The following JMJD1C variants were observed in gnomAD, a reference collection of about 807,000 sequenced individuals.
JMJD1C encodes jumonji domain containing 1C.
A neutral mutation model predicts 245.3 loss-of-function variants in JMJD1C; 31 were observed. The ratio of observed to expected loss-of-function variants is 0.13; its 90% CI spans 0.09 to 0.17. The LOEUF is 0.17. JMJD1C is among the 10% of genes least tolerant of loss of function. JMJD1C has a pLI of 1.00. For synonymous variants in JMJD1C, 1,057 were observed against 1,017.4 expected, an observed-to-expected ratio of 1.04 and a Z score of -0.74; for missense variants, 2,691 against 3,000.2, an observed-to-expected ratio of 0.90 and a Z score of 2.41.
At chr10:63,241,381 G>C (rs952621099) in intron 3 of JMJD1C, among the ~76,000 whole-genome samples, 2 of 152,076 alleles carry the variant, frequency 1.3e-5, no homozygotes, top group African/African-American at 4.8e-5. Context: ...GCCACAAATC[G>C]ATAATTGTTA....
At chr10:63,507,710 T>C (rs991286511) in intron 1 of JMJD1C, among the ~76,000 whole-genome samples, 2 of 148,934 alleles carry the variant, frequency 1.3e-5, no homozygotes, top group Admixed American at 1.3e-4. Flanking sequence ...GATGAGTTCC[T>C]ATTGTTTCAT....
intron 2 of JMJD1C, among the ~76,000 whole-genome samples, chr10:63,321,691 G>A (rs1189205427): frequency 1.3e-5 from 2 of 152,146 alleles, no homozygotes; most frequent in African/African-American, 4.8e-5. Context: ...AGAAGGAAAG[G>A]GCCTCTGCAC....
intron 2 of JMJD1C, among the ~76,000 whole-genome samples, chr10:63,303,879 A>T (rs990408526): frequency 1.3e-4 from 20 of 152,174 alleles, no homozygotes; most frequent in African/African-American, 4.8e-4. Flanking sequence ...ATTCTTGTTT[A>T]TCATTAATAT....
chr10:63,520,946 G>T (rs1435406784), intron 1 of JMJD1C, among the ~76,000 whole-genome samples: 2 of 152,202 alleles, frequency 1.3e-5, no homozygotes, highest in African/African-American at 4.8e-5. Context: ...TAAACACTGA[G>T]GATACCGGAT....
intron 1 of JMJD1C, among the ~76,000 whole-genome samples, chr10:63,420,714 CAAAAAAAAAAA>C (rs35090799): frequency 1.3e-4 from 6 of 47,720 alleles, no homozygotes; most frequent in Non-Finnish European, 2.4e-4. Flanking sequence ...GACCCAGTCT[CAAAAAAAAAAA>C]AAAAAAAAAA....
At chr10:63,315,204 T>C (rs1049097654) in intron 2 of JMJD1C, among the ~76,000 whole-genome samples, 2 of 152,148 alleles carry the variant, frequency 1.3e-5, no homozygotes, top group Admixed American at 6.6e-5. Flanking sequence ...GTTTGGGGTA[T>C]GAATTATCTC....
At chr10:63,294,202 C>G (rs560706219) in intron 2 of JMJD1C, among the ~76,000 whole-genome samples, 2 of 152,194 alleles carry the variant, frequency 1.3e-5, no homozygotes, top group East Asian at 3.9e-4. Flanking sequence ...ATCTCACATC[C>G]TTAAACGTCC....
intron 3 of JMJD1C, among the ~76,000 whole-genome samples, chr10:63,249,876 A>G (rs753107372): frequency 2.5e-4 from 38 of 152,100 alleles, no homozygotes; most frequent in Non-Finnish European, 4.0e-4. Context: ...AAAAAAAGAA[A>G]AAAGAAAAAG....
intron 1 of JMJD1C, among the ~76,000 whole-genome samples, chr10:63,401,128 G>A (rs1948826057): frequency 6.6e-6 from 1 of 152,202 alleles, no homozygotes; most frequent in Non-Finnish European, 1.5e-5. Flanking sequence ...CAAAGTGCTG[G>A]GACTACAGGC....
intron 20 of JMJD1C, 147 bp from the exon 21 acceptor site, chr10:63,184,885 A>G (rs1319750767): frequency 1.7e-5 from 12 of 689,738 alleles, no homozygotes; most frequent in South Asian, 4.1e-5. Context: ...GATACTGACT[A>G]AAATAGCAAT....
At chr10:63,429,899 T>C (rs765813995) in intron 1 of JMJD1C, among the ~76,000 whole-genome samples, 17 of 152,166 alleles carry the variant, frequency 1.1e-4, no homozygotes, top group Non-Finnish European at 1.5e-5. Context: ...CTATTCAGAG[T>C]TCCTACTGTG....
chr10:63,285,676 T>C (rs1857903450), intron 2 of JMJD1C, among the ~76,000 whole-genome samples: 1 of 152,114 alleles, frequency 6.6e-6, no homozygotes, highest in African/African-American at 2.4e-5. Context: ...GGTGTGGTGG[T>C]GTGTGCCTCT....
chr10:63,191,699 A>G (rs1196176699), intron 16 of JMJD1C, among the ~76,000 whole-genome samples: 2 of 152,126 alleles, frequency 1.3e-5, no homozygotes, highest in Non-Finnish European at 2.9e-5. Context: ...AAATACAGGT[A>G]AGTGGCCGGG....
At chr10:63,182,529 G>A (rs983799215) in intron 22 of JMJD1C, among the ~76,000 whole-genome samples, 1 of 152,150 alleles carries the variant, frequency 6.6e-6, no homozygotes, top group Non-Finnish European at 1.5e-5. Flanking sequence ...AGGATGGAAA[G>A]GTTTAAAGGA....
intron 3 of JMJD1C, among the ~76,000 whole-genome samples, chr10:63,241,621 T>C (rs764007683): frequency 7.9e-5 from 12 of 152,306 alleles, no homozygotes; most frequent in African/African-American, 2.4e-4. Context: ...AATTTTCACA[T>C]AGTATGTTAT....
chr10:63,355,242 A>C (rs1415753750), intron 2 of JMJD1C, among the ~76,000 whole-genome samples: 4 of 152,212 alleles, frequency 2.6e-5, no homozygotes, highest in African/African-American at 4.8e-5. Flanking sequence ...CTGAGGACCC[A>C]TCACCTGGTT....
At chr10:63,235,030 A>G (rs772141730) in intron 3 of JMJD1C, among the ~76,000 whole-genome samples, 4 of 152,180 alleles carry the variant, frequency 2.6e-5, no homozygotes, top group Non-Finnish European at 4.4e-5. Context: ...TTAATGTTCT[A>G]GGAAAAAAAC....
At chr10:63,299,682 ATCT>A (rs1428964962) in intron 2 of JMJD1C, among the ~76,000 whole-genome samples, 3 of 152,142 alleles carry the variant, frequency 2.0e-5, no homozygotes, top group Non-Finnish European at 4.4e-5. Flanking sequence ...TTAATTGATA[ATCT>A]TCTCTTTGGC....
intron 1 of JMJD1C, among the ~76,000 whole-genome samples, chr10:63,484,236 G>GGATGGATGGATAGATAGATA (rs1416097314): frequency 1.1e-5 from 1 of 92,630 alleles, no homozygotes; most frequent in African/African-American, 3.1e-5. Flanking sequence ...ATGGATGGAT[G>GGATGGATGGATAGATAGATA]GATAGATAGA....
Sources: gnomAD v4.1 joint callset for allele counts (sites outside exome capture counted in the v4.1 genomes callset) on GRCh38, gnomAD v4.1.1 for gene constraint, MANE v1.5 for transcripts, NCBI Gene and HGNC (gene_info 2026-07-23, HGNC 2026-07-21) for gene names.